NYAP2: variants seen among roughly 807,000 people sequenced by gnomAD.
The protein encoded by NYAP2 is neuronal tyrosine-phosphorylated phosphoinositide-3-kinase adaptor 2.
Under a neutral mutation model 50.4 loss-of-function variants are expected in NYAP2, and 23 were observed. The ratio of observed to expected loss-of-function variants is 0.46; its 90% CI spans 0.33 to 0.65. The LOEUF (loss-of-function observed/expected upper bound fraction) is 0.65, where lower values mean the gene tolerates loss of function less well. Ranked by LOEUF, NYAP2 falls within the 30% of genes least tolerant of loss-of-function variation. The probability of loss-of-function intolerance (pLI) is 0.02; values close to 1 mark genes in which losing one functional copy is unlikely to be tolerated. For missense variants in NYAP2, 885 were observed against 861.0 expected (o/e 1.03, Z -0.35); for synonymous variants, 394 against 365.2 (o/e 1.08, Z -0.90).
intron 6 of NYAP2, among the ~76,000 whole-genome samples, chr2:225,644,852 G>A (rs1693600370): frequency 6.6e-6 from 1 of 151,962 alleles, no homozygotes; most frequent in African/African-American, 2.4e-5. Context: ...TAGCCTTGTA[G>A]TATAGTTTGA....
At chr2:225,409,458 G>C (rs1278393914) in intron 3 of NYAP2, among the ~76,000 whole-genome samples, 1 of 151,968 alleles carries the variant, frequency 6.6e-6, no homozygotes, top group Admixed American at 6.6e-5. Flanking sequence ...TACCTTTAAT[G>C]GCCTTTGGTT....
rs141416461 is a variant in NYAP2, at chr2:225,541,683, TG to T, written c.523+28012del. Reference sequence around the variant, plus strand: ...TTTTATGCCAGTGCTATGCTGTTTGTGTTACTATACCTCTGCAATATCATTT... The same window carrying T: ...TTTTATGCCAGTGCTATGCTGTTTGTTTACTATACCTCTGCAATATCATTT... On this transcript the variant is annotated intron_variant, in intron 4 of 6. Transcript: ENST00000636099. Among the ~76,000 whole-genome samples the T allele has an allele frequency of 8.8e-3, 1,345 of 152,266 alleles. 23 individuals carry two copies. Among genetic ancestry groups the T allele is most frequent in the African/African-American group, 0.03 (1,242 of 41,572 alleles).
chr2:225,601,753 T>C (rs1692694703), intron 5 of NYAP2, among the ~76,000 whole-genome samples: 1 of 152,182 alleles, frequency 6.6e-6, no homozygotes, highest in African/African-American at 2.4e-5. Context: ...TTTTGTTGTT[T>C]AGTTGTAGAA....
intron 2 of NYAP2, among the ~76,000 whole-genome samples, chr2:225,403,117 A>C (rs1432496520): frequency 6.6e-6 from 1 of 151,992 alleles, no homozygotes; most frequent in Non-Finnish European, 1.5e-5. Context: ...AACAAAAAAT[A>C]GTCAAAATTG....
intron 3 of NYAP2, among the ~76,000 whole-genome samples, chr2:225,511,327 AACAC>A (rs571887973): frequency 0.043 from 5,589 of 129,736 alleles, 172 homozygotes; most frequent in African/African-American, 0.088. Context: ...CGTTCTTTAA[AACAC>A]ACACACACAC....
intron 6 of NYAP2, among the ~76,000 whole-genome samples, chr2:225,633,287 A>G (rs1299986087): frequency 1.3e-5 from 2 of 152,198 alleles, no homozygotes; most frequent in Non-Finnish European, 2.9e-5. Flanking sequence ...TAACATTTAA[A>G]TCTAAAAAGA....
chr2:225,436,152 T>C (rs1689372399), intron 3 of NYAP2, among the ~76,000 whole-genome samples: 3 of 152,204 alleles, frequency 2.0e-5, no homozygotes, highest in African/African-American at 7.2e-5. Context: ...GGTCAGATCA[T>C]ATCTCTGCCC....
Position 225,518,558 on chromosome 2 carries a change from ATATATAT to A in NYAP2, c.523+4887_523+4893del, listed in dbSNP as rs1559202520. Among the ~76,000 whole-genome samples the A allele has an allele frequency of 2.3e-3, 172 of 75,350 alleles. 19 individuals carry two copies. Among genetic ancestry groups the A allele is most frequent in the African/African-American group, 0.01 (163 of 15,774 alleles). The allele number at this position is 75,350 out of a possible 152,430, so 49.4% of individuals were successfully genotyped here. A position where few individuals can be genotyped will look rare whatever the true frequency, so the allele number is the denominator to read the frequency against. Reference sequence around the variant, plus strand: ...TATATATATATATATATATATATATATATATATATATTAGCGTGTGCGCTTATATATA... The same window carrying A: ...TATATATATATATATATATATATATAATATTAGCGTGTGCGCTTATATATA... On this transcript the variant is annotated intron_variant, in intron 4 of 6. Coordinates refer to ENST00000636099, the Ensembl canonical transcript of NYAP2.
the NYAP2 span, among the ~76,000 whole-genome samples, chr2:225,695,373 A>G: frequency 6.6e-6 from 1 of 151,898 alleles, no homozygotes; most frequent in African/African-American, 2.4e-5. Flanking sequence ...TGATGCTGTA[A>G]GAAATATTGG....
chr2:225,618,724 G>T (rs1185972738), intron 5 of NYAP2, among the ~76,000 whole-genome samples: 1 of 152,214 alleles, frequency 6.6e-6, no homozygotes, highest in Admixed American at 6.5e-5. Flanking sequence ...GTTGAGAGCT[G>T]CCAGAAACTA....
chr2:225,544,208 C>A (rs1373774431), intron 4 of NYAP2, among the ~76,000 whole-genome samples: 5 of 149,198 alleles, frequency 3.4e-5, no homozygotes, highest in African/African-American at 5.0e-5. Context: ...TTATAGAAAG[C>A]AGATGATTGG....
downstream of NYAP2, among the ~76,000 whole-genome samples, chr2:225,657,605 AAAAAGG>A (rs1693848621): frequency 6.6e-6 from 1 of 151,974 alleles, no homozygotes; most frequent in African/African-American, 2.4e-5. Flanking sequence ...AAAAAAAAAA[AAAAAGG>A]AAAAGGAAAG....
At chr2:225,679,590 G>C in the NYAP2 span, among the ~76,000 whole-genome samples, 4 of 147,862 alleles carry the variant, frequency 2.7e-5, no homozygotes, top group African/African-American at 1.0e-4. Flanking sequence ...CAACTCCCTG[G>C]TTCAAGCTAT....
At chr2:225,444,611 G>A (rs975145414) in intron 3 of NYAP2, among the ~76,000 whole-genome samples, 5 of 152,136 alleles carry the variant, frequency 3.3e-5, no homozygotes, top group Non-Finnish European at 7.4e-5. Context: ...ACTTCTTGAA[G>A]GACATGATTC....
intron 3 of NYAP2, among the ~76,000 whole-genome samples, chr2:225,458,962 T>G (rs960593468): frequency 2.0e-5 from 3 of 152,242 alleles, no homozygotes; most frequent in Admixed American, 2.0e-4. Flanking sequence ...TGGTCTACTC[T>G]GCTTTCAGTT....
At chr2:225,668,954 T>C in the NYAP2 span, among the ~76,000 whole-genome samples, 1 of 107,320 alleles carries the variant, frequency 9.3e-6, no homozygotes, top group South Asian at 3.1e-4. Context: ...TGGTGTCCCC[T>C]GCTTTTTTTT....
intron 4 of NYAP2, among the ~76,000 whole-genome samples, chr2:225,576,084 A>G (rs1292615508): frequency 6.6e-6 from 1 of 152,234 alleles, no homozygotes; most frequent in Non-Finnish European, 1.5e-5. Context: ...GTGAGTGTAA[A>G]TAAAAATATA....
At chr2:225,511,369 CACACAG>C (rs1195963781) in intron 3 of NYAP2, among the ~76,000 whole-genome samples, 2,272 of 134,416 alleles carry the variant, frequency 0.017, 18 homozygotes, top group African/African-American at 0.022. Flanking sequence ...CACACACACA[CACACAG>C]AGAGAGAGAG....
At chr2:225,557,529 A>T (rs1044682553) in intron 4 of NYAP2, among the ~76,000 whole-genome samples, 1 of 152,162 alleles carries the variant, frequency 6.6e-6, no homozygotes, top group Admixed American at 6.6e-5. Flanking sequence ...ACATAAATAT[A>T]ATTTCAGATA....
Sources: gnomAD v4.1 joint callset for allele counts (sites outside exome capture counted in the v4.1 genomes callset) on GRCh38, gnomAD v4.1.1 for gene constraint, MANE v1.5 for transcripts, NCBI Gene and HGNC (gene_info 2026-07-23, HGNC 2026-07-21) for gene names.